Variants in TACC3 observed in about 807,000 individuals in gnomAD.
TACC3 encodes the protein transforming acidic coiled-coil-containing protein 3.
TACC3 carries 52 observed loss-of-function variants against 86.0 expected under a neutral mutation model. That is an observed-to-expected ratio of 0.60 (90% confidence interval 0.48 to 0.76). The LOEUF (loss-of-function observed/expected upper bound fraction) is 0.76, where lower values mean the gene tolerates loss of function less well. Ranked by LOEUF, TACC3 falls within the 30% of genes least tolerant of loss-of-function variation. The pLI, the probability that TACC3 is intolerant of heterozygous loss-of-function variation, is 0.00. For missense variants in TACC3, 1,120 were observed against 1,070.4 expected (o/e 1.05, Z -0.65); for synonymous variants, 512 against 430.0 (o/e 1.19, Z -2.36).
At chr4:1,739,323 A>T in intron 10 of TACC3, 1 of 196,196 alleles carries the variant, frequency 5.1e-6, no homozygotes, top group Non-Finnish European at 1.0e-5. Flanking sequence ...AAAAAAAAAG[A>T]GATCTGAACA....
chr4:1,737,763 C>G, intron 10 of TACC3, 61 bp downstream of exon 10: 1 of 1,462,126 alleles, frequency 6.8e-7, no homozygotes, highest in Non-Finnish European at 9.4e-7. Flanking sequence ...GCTTGGCCAA[C>G]AGTGGGCAGG....
chr4:1,728,315 A>G lies in TACC3; in HGVS notation c.913A>G (p.Thr305Ala), dbSNP rs776948605. 1.1e-5 allele frequency: 17 copies of G among 1,612,906 alleles called. No homozygotes were observed. Among genetic ancestry groups the G allele is most frequent in the South Asian group, 5.5e-5 (5 of 91,078 alleles). Residue 305 changes from threonine to alanine, a missense_variant, in exon 4 of 16, where the codon ACC becomes GCC. Coordinates refer to ENST00000313288, the MANE Select transcript of TACC3 (RefSeq NM_006342.3). The part of the protein sequence containing the change: ...HTSAPESTAP[T>A]NHLVAGRAMT... ...CTCTGCTCCTGAGAGCACAGCCCCA[A>G]CCAACCACCTGGTGGCTGGCAGGGC...
intron 13 of TACC3, 186 bp downstream of exon 13, chr4:1,741,172 C>A: frequency 1.9e-6 from 1 of 517,414 alleles, no homozygotes; most frequent in Non-Finnish European, 3.3e-6. Flanking sequence ...GTTTGCGAGG[C>A]AGCTGAGGGC....
chr4:1,743,242 G>A (rs1443705561), intron 13 of TACC3, among the ~76,000 whole-genome samples: 3 of 114,492 alleles, frequency 2.6e-5, no homozygotes, highest in Non-Finnish European at 5.3e-5. Flanking sequence ...GCGATAGAGC[G>A]AGACTCCGTC....
chr4:1,724,319 TA>T (rs1329016128), intron 3 of TACC3, among the ~76,000 whole-genome samples: 7 of 151,128 alleles, frequency 4.6e-5, no homozygotes, highest in Admixed American at 1.3e-4. Context: ...GTATGCAGCA[TA>T]TGGCCAGTTC....
intron 8 of TACC3, among the ~76,000 whole-genome samples, chr4:1,736,289 G>A (rs62285110): frequency 0.21 from 32,484 of 151,742 alleles, 3,750 homozygotes; most frequent in Non-Finnish European, 0.26. Context: ...CGGGTGTGAC[G>A]GCATGCACCT....
At chr4:1,722,449 TG>T in intron 1 of TACC3, among the ~76,000 whole-genome samples, 2 of 152,280 alleles carry the variant, frequency 1.3e-5, no homozygotes, top group South Asian at 4.1e-4. Context: ...ATCTACTCCT[TG>T]GGCTCCAGAA....
At position 1,744,749 on chromosome 4, in the gene TACC3, C is replaced by T; in HGVS notation, c.2368C>T (p.Gln790Ter). The T allele has an allele frequency of 6.2e-7, 1 of 1,612,724 alleles. No individual in the cohort carries two copies. Among genetic ancestry groups the T allele is most frequent in the African/African-American group, 1.3e-5 (1 of 75,070 alleles). ...EEIAQVRSKA[Q>*]AEALALQASL... ...GATCGCCCAGGTCCGGAGCAAGGCCCAGGCGGAAGCGTTGGCCCTCCAGGC... is the reference window on the plus strand; with the variant it reads ...GATCGCCCAGGTCCGGAGCAAGGCCTAGGCGGAAGCGTTGGCCCTCCAGGC... Residue 790 changes from glutamine (Q) to a stop codon, truncating the protein, a stop_gained, in exon 15 of 16, where the codon CAG (glutamine) becomes TAG (stop). Transcript: ENST00000313288. LOFTEE classifies it high-confidence loss of function.
upstream of TACC3, chr4:1,721,132 G>A (rs10030268): frequency 9.2e-3 from 2,197 of 239,656 alleles, 54 homozygotes; most frequent in African/African-American, 0.045. Flanking sequence ...CGCTCTGGGA[G>A]ATGCAGTCCC....
chr4:1,723,813 C>T lies in TACC3; in HGVS notation c.248C>T (p.Thr83Ile), dbSNP rs766481986. Residue 83 changes from threonine to isoleucine, a missense_variant, in exon 3 of 16, where the codon ACT (threonine) becomes ATT (isoleucine). Transcript: ENST00000313288. ...GCCAGCAAACTTGAGGCTCCTTTCA[C>T]TCAGGATGACACCCTTGGACTGGAA... ...SMASKLEAPFTQDDTLGLENS... is the reference protein window; with the variant it reads ...SMASKLEAPFIQDDTLGLENS... 1.2e-6 allele frequency: 2 copies of T among 1,613,764 alleles called. No homozygotes were observed. The highest frequency in any genetic ancestry group is 1.7e-5 in the Admixed American group (1 of 60,028).
At chr4:1,727,660 C>T (rs769045721) in intron 3 of TACC3, 48 bp from the exon 4 acceptor site, 6 of 1,536,100 alleles carry the variant, frequency 3.9e-6, no homozygotes, top group Non-Finnish European at 5.3e-6. Flanking sequence ...AGGCCCCTAA[C>T]CTCACCAGGT....
rs1321898496 is a variant in TACC3, at chr4:1,744,962, G to A, written c.2466G>A (p.Glu822=). The change falls in exon 16 of 16, where the codon GAG becomes GAA. Residue 822 remains glutamate, a synonymous_variant. Transcript: ENST00000313288. ...TCCTCCTCCAGACTAAAGAGAACGA[G>A]GAGCTGACCAGGATCTGCGACGACC... ...KTVEQKTKEN[E]ELTRICDDLI... is the part of the protein sequence containing the mutation. 1 of 1,612,000 alleles carries A rather than the reference G, an allele frequency of 6.2e-7. No individual in the cohort carries two copies. The highest frequency in any genetic ancestry group is 8.5e-7 in the Non-Finnish European group (1 of 1,179,590).
At chr4:1,740,491 G>A (rs1718535542) in intron 12 of TACC3, 1 of 326,550 alleles carries the variant, frequency 3.1e-6, no homozygotes, top group African/African-American at 2.1e-5. Flanking sequence ...GTCCCTCCAG[G>A]ACCACCACGA....
chr4:1,732,881 G>A (rs1468060580), intron 6 of TACC3, among the ~76,000 whole-genome samples: 1 of 152,188 alleles, frequency 6.6e-6, no homozygotes, highest in Non-Finnish European at 1.5e-5. Context: ...TAGCTGTCAG[G>A]AGTAGTGCTG....
chr4:1,723,922 G>T (rs1323742290), intron 3 of TACC3, 52 bp downstream of exon 3: 2 of 1,594,672 alleles, frequency 1.3e-6, no homozygotes, highest in East Asian at 2.2e-5. Flanking sequence ...TCTGTCCGAT[G>T]GTTCTTGCAG....
chr4:1,730,923 G>A lies in TACC3; in HGVS notation c.1422G>A (p.Val474=), dbSNP rs1717976481. ...LHSASAEDTP[V]VQLAAETPTA... is the part of the protein sequence containing the mutation. ...CAGCCTCAGCGGAGGACACGCCTGT[G>A]GTGCAGTTGGCAGCCGAGACCCCAA... Residue 474 remains valine (V), a synonymous_variant, in exon 5 of 16, where the codon GTG becomes GTA. Transcript: ENST00000313288. The A allele has an allele frequency of 1.2e-6, 2 of 1,613,328 alleles. No individual in the cohort carries two copies. The highest frequency in any genetic ancestry group is 1.3e-5 in the African/African-American group (1 of 74,950).
intron 1 of TACC3, 38 bp from the exon 2 acceptor site, chr4:1,723,383 T>C: frequency 6.3e-7 from 1 of 1,597,756 alleles, no homozygotes; most frequent in Non-Finnish European, 8.5e-7. Context: ...GTGGTAGTGT[T>C]GCCCTCACAC....
chr4:1,744,718 C>CGAGGAGA lies in TACC3; in HGVS notation c.2338_2344dup (p.Ile782ArgfsTer40). The stretch of plus-strand genomic sequence containing the variant: ...CCCGCCCCTACCCCTCCAGGGCAAA[C>CGAGGAGA]GAGGAGATCGCCCAGGTCCGGAGCA... On this transcript the variant is annotated frameshift_variant, in exon 15 of 16. Transcript: ENST00000313288. LOFTEE classifies it high-confidence loss of function. 6.2e-7 allele frequency: 1 copy of CGAGGAGA among 1,612,568 alleles called. No homozygotes were observed.
intron 10 of TACC3, chr4:1,738,134 C>G (rs1718385419): frequency 2.9e-6 from 1 of 349,222 alleles, no homozygotes; most frequent in South Asian, 2.1e-5. Flanking sequence ...TCCCTCCATC[C>G]TCACTGTACA....
Sources: gnomAD v4.1 joint callset for allele counts (sites outside exome capture counted in the v4.1 genomes callset) on GRCh38, gnomAD v4.1.1 for gene constraint, MANE v1.5 for transcripts, NCBI Gene and HGNC (gene_info 2026-07-23, HGNC 2026-07-21) for gene names.